MAB21L1: variants seen among roughly 807,000 people sequenced by gnomAD.
The protein encoded by MAB21L1 is putative nucleotidyltransferase MAB21L1.
Under a neutral mutation model 28.9 loss-of-function variants are expected in MAB21L1, and 8 were observed. The observed-to-expected ratio is 0.28, with a 90% confidence interval of 0.16 to 0.50. The LOEUF (loss-of-function observed/expected upper bound fraction) is 0.50. Ranked by LOEUF, MAB21L1 falls within the 20% of genes least tolerant of loss-of-function variation. MAB21L1 has a pLI of 0.98. For missense variants in MAB21L1, 388 were observed against 466.5 expected (o/e 0.83, Z 1.55); for synonymous variants, 219 against 198.2 (o/e 1.10, Z -0.88).
Position 35,476,296 on chromosome 13 carries a change from C to CCTGCTGCTGCTGCTG in MAB21L1, c.-173_-159dup, listed in dbSNP as rs56240021. On this transcript the variant is annotated 5_prime_UTR_variant, in exon 1 of 1. Coordinates refer to ENST00000379919, the MANE Select transcript of MAB21L1 (RefSeq NM_005584.5). ...TCGGAAGTGCTGCAGCGTTGGTTTC[C>CCTGCTGCTGCTGCTG]CTGCTGCTGCTGCTGCTGCTGCTGC... 21,362 of 960,768 alleles carry CCTGCTGCTGCTGCTG rather than the reference C, an allele frequency of 0.022. 149 individuals carry two copies. The highest frequency in any genetic ancestry group is 0.029 in the African/African-American group (1,727 of 60,186). The allele number at this position is 960,768 out of a possible 1,614,324, so 59.5% of individuals were successfully genotyped here.
chr13:35,476,021 C>G lies in MAB21L1; in HGVS notation c.118G>C (p.Asp40His), dbSNP rs765617272. 1.2e-6 allele frequency: 2 copies of G among 1,614,218 alleles called. No individual in the cohort carries two copies. The highest frequency in any genetic ancestry group is 1.7e-6 in the Non-Finnish European group (2 of 1,180,046). The change falls in exon 1 of 1, where the codon GAC becomes CAC. Residue 40 changes from aspartate to histidine, a missense_variant. Asp to His is a moderately conservative substitution (Grantham distance 81, BLOSUM62 -1). Around this residue, in one of 3 missense-constraint regions of MAB21L1, gnomAD observed 89 missense variants for 92.2 expected, o/e 0.97. Coordinates refer to ENST00000379919, the MANE Select transcript of MAB21L1 (RefSeq NM_005584.5). ...TIREVCKVVS[D>H]VLKEVEVQEP... ...TGCACTTCCACTTCCTTCAGTACGT[C>G]GGAAACTACTTTGCAGACTTCCCGG...
rs1034473196 is a variant in MAB21L1, at chr13:35,476,126, G to T, written c.13C>A (p.Gln5Lys). 8.1e-6 allele frequency: 13 copies of T among 1,613,964 alleles called. No individual in the cohort carries two copies. Among genetic ancestry groups the T allele is most frequent in the Non-Finnish European group, 1.0e-5 (12 of 1,179,958 alleles). ...TTCAGATGGTAGACCAGCTTGGCCT[G>T]GGCCGCAATCATGTTGGGGCAGAGA... Reference protein sequence around the residue: MIAAQAKLVYHLNKY... With the variant: MIAAKAKLVYHLNKY... Residue 5 changes from glutamine to lysine, a missense_variant, in exon 1 of 1, where the codon CAG becomes AAG. Gln to Lys is a moderately conservative substitution (Grantham distance 53, BLOSUM62 1). Coordinates refer to ENST00000379919, the MANE Select transcript of MAB21L1 (RefSeq NM_005584.5).
In MAB21L1 at chr13:35,475,482, G is replaced by C. The variant is rs754906601; in HGVS notation, c.657C>G (p.Ala219=). Residue 219 remains alanine (A), a synonymous_variant, in exon 1 of 1, where the codon GCC becomes GCG. Transcript: ENST00000379919. ...CGCTCTCCGCCGAGCTCTGCTTGCC[G>C]GCCAAGGAGTGGCACTCCTTGGACA... The part of the protein sequence containing the change: ...NLLSKECHSL[A]GKQSSAESDA... 1.2e-6 allele frequency: 2 copies of C among 1,612,428 alleles called. No homozygotes were observed. The highest frequency in any genetic ancestry group is 1.7e-6 in the Non-Finnish European group (2 of 1,179,910).
Position 35,476,427 on chromosome 13 carries a change from C to A in MAB21L1, c.-289G>T. Reference sequence around the variant, plus strand: ...ACTGTCCTCCCCCCTCTGCTTGTCTCTCTTCCTCTTTTAAAGAATCCTTGT... The same window carrying A: ...ACTGTCCTCCCCCCTCTGCTTGTCTATCTTCCTCTTTTAAAGAATCCTTGT... On this transcript the variant is annotated 5_prime_UTR_variant, in exon 1 of 1. Transcript: ENST00000379919. The A allele has an allele frequency of 1.0e-6, 1 of 954,888 alleles. No homozygotes were observed. Among genetic ancestry groups the A allele is most frequent in the South Asian group, 1.4e-5 (1 of 71,632 alleles). 59.2% of individuals were successfully genotyped at this position (954,888 alleles called of 1,614,324 possible).
Position 35,475,196 on chromosome 13 carries a change from G to C in MAB21L1, c.943C>G (p.Arg315Gly). The C allele has an allele frequency of 6.2e-7, 1 of 1,614,014 alleles. No individual in the cohort carries two copies. The highest frequency in any genetic ancestry group is 8.5e-7 in the Non-Finnish European group (1 of 1,180,012). The change falls in exon 1 of 1, where the codon CGG becomes GGG. Residue 315 changes from arginine (R) to glycine (G), a missense_variant. Arg to Gly is a moderately radical substitution (Grantham distance 125). Transcript: ENST00000379919. The stretch of plus-strand genomic sequence containing the variant: ...TTCGGTAGAAAGTAGTGGGGACACC[G>C]CCGGCACTGCAGGCAGGAGATAAGT... ...LQLISCLQCRRCPHYFLPNLD... is the reference protein window; with the variant it reads ...LQLISCLQCRGCPHYFLPNLD...
rs774206036 is a variant in MAB21L1, at chr13:35,475,996, T to A, written c.143A>T (p.Gln48Leu). 2.5e-6 allele frequency: 4 copies of A among 1,614,220 alleles called. No homozygotes were observed. Among genetic ancestry groups the A allele is most frequent in the Non-Finnish European group, 3.4e-6 (4 of 1,180,048 alleles). ...GAGAGAGCTGATGAACCGCGGCTCCTGCACTTCCACTTCCTTCAGTACGTC... is the reference window on the plus strand; with the variant it reads ...GAGAGAGCTGATGAACCGCGGCTCCAGCACTTCCACTTCCTTCAGTACGTC... ...VSDVLKEVEV[Q>L]EPRFISSLNE... The change falls in exon 1 of 1, where the codon CAG (glutamine) becomes CTG (leucine). Residue 48 changes from glutamine to leucine, a missense_variant. By Grantham distance (113) the Gln-to-Leu change is moderately radical. Transcript: ENST00000379919.
In MAB21L1 at chr13:35,476,346, TGC is replaced by T. The variant is rs2075870140; in HGVS notation, c.-210_-209del. On this transcript the variant is annotated 5_prime_UTR_variant, in exon 1 of 1. Coordinates refer to ENST00000379919, the MANE Select transcript of MAB21L1 (RefSeq NM_005584.5). Reference sequence around the variant, plus strand: ...CTGCTGCTGCTGCTGCTGCTGCTGCTGCTGCTGCTTTTCCCTTCCTTTTATCT... The same window carrying T: ...CTGCTGCTGCTGCTGCTGCTGCTGCTTGCTGCTTTTCCCTTCCTTTTATCT... The T allele has an allele frequency of 1.8e-6, 2 of 1,137,208 alleles. No individual in the cohort carries two copies. Among genetic ancestry groups the T allele is most frequent in the Non-Finnish European group, 2.5e-6 (2 of 794,088 alleles). The allele number at this position is 1,137,208 out of a possible 1,614,324, so 70.4% of individuals were successfully genotyped here.
At position 35,476,518 on chromosome 13, in the gene MAB21L1, G is replaced by A. The variant is rs1291946088; in HGVS notation, c.-380C>T. On this transcript the variant is annotated 5_prime_UTR_variant, in exon 1 of 1. Coordinates refer to ENST00000379919, the MANE Select transcript of MAB21L1 (RefSeq NM_005584.5). ...AAAACAAAAGTTGCGCTGAGACCCA[G>A]CAAAGCTCTTCCAGTAGTCAAAATA... 6.3e-6 allele frequency: 4 copies of A among 638,710 alleles called. No individual in the cohort carries two copies. The highest frequency in any genetic ancestry group is 1.1e-5 in the Non-Finnish European group (4 of 360,686). The allele number at this position is 638,710 out of a possible 1,614,324, so 39.6% of individuals were successfully genotyped here.
chr13:35,474,837 C>CT lies in MAB21L1; in HGVS notation c.*221dup, dbSNP rs2075791735. The CT allele has an allele frequency of 1.8e-6, 1 of 552,880 alleles. No individual in the cohort carries two copies. Among genetic ancestry groups the CT allele is most frequent in the African/African-American group, 1.9e-5 (1 of 52,920 alleles). The allele number at this position is 552,880 out of a possible 1,614,324, so 34.2% of individuals were successfully genotyped here. A position where few individuals can be genotyped will look rare whatever the true frequency, so the allele number is the denominator to read the frequency against. On this transcript the variant is annotated 3_prime_UTR_variant, in exon 1 of 1. Coordinates refer to ENST00000379919, the MANE Select transcript of MAB21L1 (RefSeq NM_005584.5). ...GATAGGAAATCGTGTGGAAAGAAGT[C>CT]TTCTAATACTAGTGGCTTTGGGTTT...
rs1209780824 is a variant in MAB21L1 at position 35,475,245 on chromosome 13, A to G, written c.894T>C (p.Asp298=). ...GTTGCAGCAAAATCCCGTTCAGCCG[A>G]TCACCCAGGCAAGACTCGTCCCAGT... ...ESDWDESCLG[D]RLNGILLQLI... Residue 298 remains aspartate, a synonymous_variant, in exon 1 of 1, where the codon GAT becomes GAC. Coordinates refer to ENST00000379919, the MANE Select transcript of MAB21L1 (RefSeq NM_005584.5). 4.3e-6 allele frequency: 7 copies of G among 1,613,724 alleles called. No individual in the cohort carries two copies. Among genetic ancestry groups the G allele is most frequent in the Non-Finnish European group, 5.1e-6 (6 of 1,179,990 alleles).
At position 35,475,969 on chromosome 13, in the gene MAB21L1, T is replaced by C; in HGVS notation, c.170A>G (p.Asn57Ser). 6.2e-7 allele frequency: 1 copy of C among 1,614,144 alleles called. No homozygotes were observed. Among genetic ancestry groups the C allele is most frequent in the Non-Finnish European group, 8.5e-7 (1 of 1,180,030 alleles). Residue 57 changes from asparagine to serine, a missense_variant, in exon 1 of 1, where the codon AAC becomes AGC. Coordinates refer to ENST00000379919, the MANE Select transcript of MAB21L1 (RefSeq NM_005584.5). ...GCCCTCGTAGCGATTGTCCATCTCG[T>C]TGAGAGAGCTGATGAACCGCGGCTC... ...VQEPRFISSLNEMDNRYEGLE... is the reference protein window; with the variant it reads ...VQEPRFISSLSEMDNRYEGLE...
Position 35,474,863 on chromosome 13 carries a change from T to G in MAB21L1, c.*196A>C. The stretch of plus-strand genomic sequence containing the variant: ...TTCTAATACTAGTGGCTTTGGGTTT[T>G]TCTCCATCCGCTTCCCCTACTTTTT... On this transcript the variant is annotated 3_prime_UTR_variant, in exon 1 of 1. Transcript: ENST00000379919. 1 of 655,828 alleles carries G rather than the reference T, an allele frequency of 1.5e-6. No homozygotes were observed. The highest frequency in any genetic ancestry group is 2.2e-5 in the South Asian group (1 of 45,650). The allele number at this position is 655,828 out of a possible 1,614,324, so 40.6% of individuals were successfully genotyped here.
In MAB21L1 at chr13:35,475,954, C is replaced by G. The variant is rs1431989335; in HGVS notation, c.185G>C (p.Arg62Pro). 1.2e-6 allele frequency: 2 copies of G among 1,614,192 alleles called. No homozygotes were observed. Among genetic ancestry groups the G allele is most frequent in the East Asian group, 2.2e-5 (1 of 44,868 alleles). Residue 62 changes from arginine to proline, a missense_variant, in exon 1 of 1, where the codon CGC (arginine) becomes CCC (proline). Transcript: ENST00000379919. ...GGAGATGACCTCGAGGCCCTCGTAGCGATTGTCCATCTCGTTGAGAGAGCT... is the reference window on the plus strand; with the variant it reads ...GGAGATGACCTCGAGGCCCTCGTAGGGATTGTCCATCTCGTTGAGAGAGCT... The part of the protein sequence containing the change: ...FISSLNEMDN[R>P]YEGLEVISPT...
Position 35,475,168 on chromosome 13 carries a change from A to G in MAB21L1, c.971T>C (p.Leu324Ser). Reference sequence around the variant, plus strand: ...GTGAGGTTTGCCTTGAAACAGATCTAAGTTCGGTAGAAAGTAGTGGGGACA... The same window carrying G: ...GTGAGGTTTGCCTTGAAACAGATCTGAGTTCGGTAGAAAGTAGTGGGGACA... Reference protein sequence around the residue: ...RRCPHYFLPNLDLFQGKPHSA... With the variant: ...RRCPHYFLPNSDLFQGKPHSA... The change falls in exon 1 of 1, where the codon TTA becomes TCA. Residue 324 changes from leucine (L) to serine (S), a missense_variant. By Grantham distance (145) the Leu-to-Ser change is moderately radical (BLOSUM62 -2). This residue lies in a region of MAB21L1 where 218 missense variants were observed against 220.6 expected (regional missense o/e 0.99). Transcript: ENST00000379919. The G allele has an allele frequency of 6.2e-7, 1 of 1,614,024 alleles. No homozygotes were observed. The highest frequency in any genetic ancestry group is 8.5e-7 in the Non-Finnish European group (1 of 1,180,002).
At position 35,475,371 on chromosome 13, in the gene MAB21L1, G is replaced by C; in HGVS notation, c.768C>G (p.Thr256=). The change falls in exon 1 of 1, where the codon ACC becomes ACG. Residue 256 remains threonine (T), a synonymous_variant. Coordinates refer to ENST00000379919, the MANE Select transcript of MAB21L1 (RefSeq NM_005584.5). ...CRKKCLSILK[T]LRDRHLELPG... ...GCAGTTCAAGGTGACGATCCCTTAA[G>C]GTTTTGAGGATGGAGAGGCACTTCT... The C allele has an allele frequency of 6.2e-7, 1 of 1,613,926 alleles. No homozygotes were observed. Among genetic ancestry groups the C allele is most frequent in the Non-Finnish European group, 8.5e-7 (1 of 1,179,990 alleles).
Position 35,476,673 on chromosome 13 carries a change from C to A in MAB21L1, c.-535G>T, listed in dbSNP as rs1018720933. On this transcript the variant is annotated 5_prime_UTR_variant, in exon 1 of 1. Coordinates refer to ENST00000379919, the MANE Select transcript of MAB21L1 (RefSeq NM_005584.5). ...GTGCGTGTGTATATGTCAGAAGAAGCTGCTGTTGGTTTGTCTAAGAGCCCA... is the reference window on the plus strand; with the variant it reads ...GTGCGTGTGTATATGTCAGAAGAAGATGCTGTTGGTTTGTCTAAGAGCCCA... 1 of 726,562 alleles carries A rather than the reference C, an allele frequency of 1.4e-6. No homozygotes were observed. The allele number at this position is 726,562 out of a possible 1,614,324, so 45.0% of individuals were successfully genotyped here. A position where few individuals can be genotyped will look rare whatever the true frequency, so the allele number is the denominator to read the frequency against.
chr13:35,476,046 G>A lies in MAB21L1; in HGVS notation c.93C>T (p.Ile31=), dbSNP rs758880107. Residue 31 remains isoleucine (I), a synonymous_variant, in exon 1 of 1, where the codon ATC becomes ATT. Coordinates refer to ENST00000379919, the MANE Select transcript of MAB21L1 (RefSeq NM_005584.5). ...CGGAAACTACTTTGCAGACTTCCCGGATAGTTTTGGCAATGGCAGCTTTCC... is the reference window on the plus strand; with the variant it reads ...CGGAAACTACTTTGCAGACTTCCCGAATAGTTTTGGCAATGGCAGCTTTCC... ...QARKAAIAKT[I]REVCKVVSDV... is the part of the protein sequence containing the mutation. 8 of 1,614,200 alleles carry A rather than the reference G, an allele frequency of 5.0e-6. No individual in the cohort carries two copies. Among genetic ancestry groups the A allele is most frequent in the East Asian group, 2.2e-5 (1 of 44,874 alleles).
chr13:35,476,430 T>C lies in MAB21L1; in HGVS notation c.-292A>G. On this transcript the variant is annotated 5_prime_UTR_variant, in exon 1 of 1. Coordinates refer to ENST00000379919, the MANE Select transcript of MAB21L1 (RefSeq NM_005584.5). ...GTCCTCCCCCCTCTGCTTGTCTCTC[T>C]TCCTCTTTTAAAGAATCCTTGTGTG... 1 of 949,560 alleles carries C rather than the reference T, an allele frequency of 1.1e-6. No homozygotes were observed. Among genetic ancestry groups the C allele is most frequent in the Non-Finnish European group, 1.7e-6 (1 of 600,960 alleles). 58.8% of individuals were successfully genotyped at this position (949,560 alleles called of 1,614,324 possible). A position where few individuals can be genotyped will look rare whatever the true frequency, so the allele number is the denominator to read the frequency against.
In MAB21L1 at chr13:35,476,364, C is replaced by A. The variant is rs950728850; in HGVS notation, c.-226G>T. On this transcript the variant is annotated 5_prime_UTR_variant, in exon 1 of 1. Transcript: ENST00000379919. Reference sequence around the variant, plus strand: ...CTGCTGCTGCTGCTGCTTTTCCCTTCCTTTTATCTTTGAGCCCAGCCGTTC... The same window carrying A: ...CTGCTGCTGCTGCTGCTTTTCCCTTACTTTTATCTTTGAGCCCAGCCGTTC... 3.4e-5 allele frequency: 34 copies of A among 1,001,148 alleles called. 1 individual carries two copies. The African/African-American group carries it at 5.7e-4, about 17-fold the overall frequency. The allele number at this position is 1,001,148 out of a possible 1,614,324, so 62.0% of individuals were successfully genotyped here.
Sources: gnomAD v4.1 joint callset for allele counts on GRCh38, gnomAD v4.1.1 for gene constraint, gnomAD v4.1.1 regional missense constraint, MANE v1.5 for transcripts, NCBI Gene and HGNC (gene_info 2026-07-23, HGNC 2026-07-21) for gene names.